The following ACTR3C variants were observed in gnomAD, a reference collection of about 807,000 sequenced individuals.
ACTR3C encodes actin-related protein 3C.
Under a neutral mutation model 26.3 loss-of-function variants are expected in ACTR3C, and 18 were observed. The observed-to-expected ratio is 0.68, with a 90% confidence interval of 0.47 to 1.01. The LOEUF (loss-of-function observed/expected upper bound fraction) is 1.01, where lower values mean the gene tolerates loss of function less well. Among genes scored for constraint, ACTR3C ranks in the 50% least tolerant of loss-of-function variants. The pLI is 0.00. For missense variants in ACTR3C, 184 were observed against 250.7 expected (o/e 0.73, Z 1.80); for synonymous variants, 55 against 94.5 (o/e 0.58, Z 2.42).
the ACTR3C span, among the ~76,000 whole-genome samples, chr7:150,154,297 T>C: frequency 6.6e-6 from 1 of 152,210 alleles, no homozygotes; most frequent in African/African-American, 2.4e-5. Context: ...ATGACCCATC[T>C]TCATTACCAT....
At chr7:150,019,598 A>AT in the ACTR3C span, among the ~76,000 whole-genome samples, 523 of 41,606 alleles carry the variant, frequency 0.013, 6 homozygotes, top group African/African-American at 0.027. Context: ...CTCAAAAATA[A>AT]AAATAATAAT....
chr7:150,126,972 G>T, the ACTR3C span, among the ~76,000 whole-genome samples: 1 of 152,180 alleles, frequency 6.6e-6, no homozygotes, highest in African/African-American at 2.4e-5. Context: ...CACTAAAAAT[G>T]AACAGTGCAA....
intron 4 of ACTR3C, among the ~76,000 whole-genome samples, chr7:150,287,435 C>T (rs907517709): frequency 3.9e-5 from 6 of 152,070 alleles, no homozygotes; most frequent in Admixed American, 6.5e-5. Context: ...CTGAGGGATG[C>T]GAAGTGTTTC....
the ACTR3C span, among the ~76,000 whole-genome samples, chr7:150,129,570 A>G: frequency 5.9e-5 from 9 of 152,234 alleles, no homozygotes; most frequent in African/African-American, 1.7e-4. Flanking sequence ...ATTTACAAAA[A>G]TAAATAATAT....
the ACTR3C span, among the ~76,000 whole-genome samples, chr7:150,078,678 A>C: frequency 2.5e-3 from 378 of 152,230 alleles, 2 homozygotes; most frequent in African/African-American, 8.9e-3. Flanking sequence ...TATCAACTTG[A>C]CCAGCCAATG....
At chr7:149,889,509 G>A in the ACTR3C span, among the ~76,000 whole-genome samples, 1 of 152,160 alleles carries the variant, frequency 6.6e-6, no homozygotes, top group African/African-American at 2.4e-5. Flanking sequence ...AAACTTGAGA[G>A]GCCAGTCAGT....
At chr7:150,222,290 T>C in the ACTR3C span, among the ~76,000 whole-genome samples, 8 of 152,242 alleles carry the variant, frequency 5.3e-5, no homozygotes, top group Admixed American at 4.6e-4. Flanking sequence ...ATCTTGGCTT[T>C]GCCGCCTCCT....
chr7:150,074,532 T>C, the ACTR3C span, among the ~76,000 whole-genome samples: 1 of 151,556 alleles, frequency 6.6e-6, no homozygotes, highest in Admixed American at 6.6e-5. Context: ...CCTGCGTACC[T>C]GACCTCAGAT....
chr7:149,991,633 C>T, the ACTR3C span, among the ~76,000 whole-genome samples: 1 of 152,240 alleles, frequency 6.6e-6, no homozygotes, highest in Non-Finnish European at 1.5e-5. Flanking sequence ...TCACCTCAGG[C>T]CCGGTCTCTC....
chr7:150,028,346 G>T, the ACTR3C span, among the ~76,000 whole-genome samples: 1 of 152,298 alleles, frequency 6.6e-6, no homozygotes, highest in Non-Finnish European at 1.5e-5. Context: ...CATAAAAGAG[G>T]TGTGTGCATG....
the ACTR3C span, among the ~76,000 whole-genome samples, chr7:150,038,508 T>C: frequency 7.0e-5 from 10 of 143,714 alleles, 1 homozygote; most frequent in Admixed American, 2.7e-4. Flanking sequence ...TGGCTAATAC[T>C]GCAGTTTGGG....
intron 6 of ACTR3C, among the ~76,000 whole-genome samples, chr7:150,272,672 T>C (rs1834537666): frequency 7.7e-6 from 1 of 129,540 alleles, no homozygotes; most frequent in African/African-American, 4.0e-5. Flanking sequence ...AATAGTGTCT[T>C]TTTTGTGTGT....
chr7:150,100,712 T>G, the ACTR3C span, among the ~76,000 whole-genome samples: 1 of 151,182 alleles, frequency 6.6e-6, no homozygotes, highest in Non-Finnish European at 1.5e-5. Flanking sequence ...TTTCTTTCTT[T>G]CTTTCTTTGA....
chr7:150,153,347 A>G, the ACTR3C span, among the ~76,000 whole-genome samples: 1 of 148,882 alleles, frequency 6.7e-6, no homozygotes, highest in Non-Finnish European at 1.5e-5. Context: ...AATATCCAGA[A>G]TCTACAATGA....
chr7:150,018,949 GA>G, the ACTR3C span, among the ~76,000 whole-genome samples: 1 of 150,250 alleles, frequency 6.7e-6, no homozygotes, highest in African/African-American at 2.5e-5. Flanking sequence ...ACTGAAGTTT[GA>G]AAGTCGTAAT....
the ACTR3C span, among the ~76,000 whole-genome samples, chr7:150,114,946 G>A: frequency 3.9e-5 from 6 of 151,996 alleles, no homozygotes; most frequent in Non-Finnish European, 8.8e-5. Flanking sequence ...GAAATAAAGA[G>A]TTTTCTTTTT....
At chr7:150,156,950 A>G in the ACTR3C span, among the ~76,000 whole-genome samples, 1 of 151,608 alleles carries the variant, frequency 6.6e-6, no homozygotes, top group Non-Finnish European at 1.5e-5. Context: ...CGTAAGTCTT[A>G]CCACCTATCA....
the ACTR3C span, among the ~76,000 whole-genome samples, chr7:150,128,799 G>A: frequency 1.2e-4 from 19 of 152,054 alleles, no homozygotes; most frequent in African/African-American, 4.3e-4. Context: ...CACGAATGAT[G>A]TGTTTTAGAC....
At chr7:149,913,875 C>T in the ACTR3C span, among the ~76,000 whole-genome samples, 1 of 139,948 alleles carries the variant, frequency 7.1e-6, no homozygotes, top group East Asian at 2.1e-4. Flanking sequence ...GAAGAAATAA[C>T]TCATATGTCC....
Sources: gnomAD v4.1 joint callset for allele counts (sites outside exome capture counted in the v4.1 genomes callset) on GRCh38, gnomAD v4.1.1 for gene constraint, MANE v1.5 for transcripts, NCBI Gene and HGNC (gene_info 2026-07-23, HGNC 2026-07-21) for gene names.